The following TTBK2 variants were observed in gnomAD, a reference collection of about 807,000 sequenced individuals.
The protein encoded by TTBK2 is tau tubulin kinase 2.
Under a neutral mutation model 110.8 loss-of-function variants are expected in TTBK2, and 28 were observed. That is an observed-to-expected ratio of 0.25 (90% CI 0.19 to 0.35). The LOEUF (loss-of-function observed/expected upper bound fraction) is 0.35, where lower values mean the gene tolerates loss of function less well. Among genes scored for constraint, TTBK2 ranks in the 10% least tolerant of loss-of-function variants. The probability of loss-of-function intolerance (pLI) is 1.00; values close to 1 mark genes in which losing one functional copy is unlikely to be tolerated. For synonymous variants in TTBK2, 532 were observed against 527.3 expected, an observed-to-expected ratio of 1.01 and a Z score of -0.12; for missense variants, 1,369 against 1,500.3, an observed-to-expected ratio of 0.91 and a Z score of 1.45.
chr15:42,831,199 A>G (rs1324515534), intron 4 of TTBK2, among the ~76,000 whole-genome samples: 4 of 152,046 alleles, frequency 2.6e-5, no homozygotes, highest in African/African-American at 9.7e-5. Flanking sequence ...GAGCTCTGTG[A>G]GGATTAAACA....
chr15:42,779,731 G>A (rs1241082296), intron 11 of TTBK2, among the ~76,000 whole-genome samples: 1 of 152,038 alleles, frequency 6.6e-6, no homozygotes, highest in Non-Finnish European at 1.5e-5. Context: ...TGTAATCCCA[G>A]CACTTTGTGA....
At chr15:42,878,494 C>T (rs1894908681) in intron 2 of TTBK2, 55 bp downstream of exon 2, 2 of 750,318 alleles carry the variant, frequency 2.7e-6, no homozygotes, top group East Asian at 4.3e-5. Context: ...GATATGTATA[C>T]ACACACACAC....
chr15:42,759,662 A>G (rs760069887), intron 13 of TTBK2, among the ~76,000 whole-genome samples: 3 of 152,210 alleles, frequency 2.0e-5, no homozygotes, highest in Non-Finnish European at 2.9e-5. Context: ...CATCACCAGC[A>G]TGGGTTACAG....
chr15:42,791,543 A>G (rs952526724), intron 10 of TTBK2, among the ~76,000 whole-genome samples: 2 of 147,938 alleles, frequency 1.4e-5, no homozygotes, highest in Non-Finnish European at 3.0e-5. Flanking sequence ...ACTTATGTCT[A>G]TTCTCCTTTG....
chr15:42,839,403 T>G (rs1355903063), intron 4 of TTBK2, among the ~76,000 whole-genome samples: 5 of 152,246 alleles, frequency 3.3e-5, no homozygotes, highest in Non-Finnish European at 5.9e-5. Context: ...AGTGCTGCAA[T>G]GAACACATAA....
chr15:42,885,092 T>C (rs1212432092), intron 1 of TTBK2, among the ~76,000 whole-genome samples: 3 of 152,228 alleles, frequency 2.0e-5, no homozygotes, highest in Non-Finnish European at 4.4e-5. Flanking sequence ...GACTCTCTTT[T>C]CGGGCTCAGC....
At chr15:42,771,252 C>T (rs1595893700) in intron 13 of TTBK2, among the ~76,000 whole-genome samples, 2 of 151,980 alleles carry the variant, frequency 1.3e-5, no homozygotes, top group Non-Finnish European at 2.9e-5. Flanking sequence ...GGATTACAGG[C>T]GTGAGCCACC....
At chr15:42,834,543 T>A (rs2140999284) in intron 4 of TTBK2, among the ~76,000 whole-genome samples, 1 of 152,258 alleles carries the variant, frequency 6.6e-6, no homozygotes, top group East Asian at 1.9e-4. Flanking sequence ...TATCAAAGAC[T>A]GCTGCAGCCT....
intron 1 of TTBK2, among the ~76,000 whole-genome samples, chr15:42,898,983 T>C (rs1303676902): frequency 2.0e-5 from 3 of 152,076 alleles, no homozygotes; most frequent in African/African-American, 4.8e-5. Flanking sequence ...TAAAAAGCAA[T>C]TTGTAGAATT....
chr15:42,752,426 A>T lies in TTBK2; in HGVS notation c.2820T>A (p.Thr940=). The change falls in exon 14 of 15, where the codon ACT becomes ACA. Residue 940 remains threonine, a synonymous_variant. Coordinates refer to ENST00000267890, the MANE Select transcript of TTBK2 (RefSeq NM_173500.4). ...CTAAAACAGGGATTCGGCTGTGTCTAGTTACAAAGGATGACCTAACCATAT... is the reference window on the plus strand; with the variant it reads ...CTAAAACAGGGATTCGGCTGTGTCTTGTTACAAAGGATGACCTAACCATAT... The part of the protein sequence containing the change: ...RKDMVRSSFV[T]RHSRIPVLAQ... 1 of 1,614,198 alleles carries T rather than the reference A, an allele frequency of 6.2e-7. No individual in the cohort carries two copies. The highest frequency in any genetic ancestry group is 1.1e-5 in the South Asian group (1 of 91,080).
At chr15:42,784,219 C>T (rs1413229397) in intron 10 of TTBK2, among the ~76,000 whole-genome samples, 2 of 152,130 alleles carry the variant, frequency 1.3e-5, no homozygotes, top group African/African-American at 2.4e-5. Context: ...TTGACAATCA[C>T]TTTAAAAGTA....
chr15:42,822,201 A>T (rs1892334697), intron 6 of TTBK2, among the ~76,000 whole-genome samples: 1 of 152,032 alleles, frequency 6.6e-6, no homozygotes, highest in Non-Finnish European at 1.5e-5. Context: ...TTCTGCAAAT[A>T]TTTTTCCCCA....
At chr15:42,872,010 T>C (rs1894633895) in intron 3 of TTBK2, among the ~76,000 whole-genome samples, 1 of 152,142 alleles carries the variant, frequency 6.6e-6, no homozygotes, top group African/African-American at 2.4e-5. Flanking sequence ...ACTAGCAATA[T>C]ATTCAGGGTT....
intron 9 of TTBK2, among the ~76,000 whole-genome samples, chr15:42,804,644 T>C (rs1891380665): frequency 6.6e-6 from 1 of 152,154 alleles, no homozygotes; most frequent in Non-Finnish European, 1.5e-5. Context: ...AGCATATAGT[T>C]GAAATTATTC....
At chr15:42,881,864 C>A (rs1372648001) in intron 1 of TTBK2, among the ~76,000 whole-genome samples, 3 of 150,872 alleles carry the variant, frequency 2.0e-5, no homozygotes, top group Non-Finnish European at 4.4e-5. Context: ...GAACGAGACT[C>A]TGTCTCAAAA....
At chr15:42,765,417 C>T (rs886962425) in intron 13 of TTBK2, among the ~76,000 whole-genome samples, 1 of 152,128 alleles carries the variant, frequency 6.6e-6, no homozygotes, top group East Asian at 1.9e-4. Context: ...GTAGAGAAGA[C>T]CTTAAATGAC....
chr15:42,752,618 A>T lies in TTBK2; in HGVS notation c.2628T>A (p.Asn876Lys). 1 of 1,613,912 alleles carries T rather than the reference A, an allele frequency of 6.2e-7. No individual in the cohort carries two copies. Among genetic ancestry groups the T allele is most frequent in the Non-Finnish European group, 8.5e-7 (1 of 1,179,990 alleles). The stretch of plus-strand genomic sequence containing the variant: ...TGATGTCATCATCCTTAGATATCTT[A>T]TTTTTTTGCATTTCTGCCACTTGGC... ...QIGQVAEMQK[N>K]KISKDDDIMS... Residue 876 changes from asparagine (N) to lysine (K), a missense_variant, in exon 14 of 15, where the codon AAT becomes AAA. Around this residue, in one of 4 missense-constraint regions of TTBK2, gnomAD observed 1,097 missense variants for 1,114.7 expected, o/e 0.98. Transcript: ENST00000267890.
chr15:42,844,661 G>A (rs1024990602), intron 3 of TTBK2, among the ~76,000 whole-genome samples: 4 of 152,172 alleles, frequency 2.6e-5, no homozygotes, highest in South Asian at 2.1e-4. Flanking sequence ...TGCCAATAAT[G>A]TAAGTATTAT....
rs570332848 is a variant in TTBK2, at chr15:42,853,704, G to A, written c.218-13271C>T. On this transcript the variant is annotated intron_variant, in intron 3 of 14. Transcript: ENST00000267890. The stretch of plus-strand genomic sequence containing the variant: ...GTGATTTTTAAATATAACCAACATC[G>A]TCAGATTGAACATACTATGGAGCGA... 5.9e-5 allele frequency among the ~76,000 whole-genome samples: 9 copies of A among 152,048 alleles called. No individual in the cohort carries two copies. The South Asian group carries it at 8.3e-4, about 14-fold the overall frequency.
Sources: allele counts gnomAD v4.1 joint callset (sites outside exome capture counted in the v4.1 genomes callset), GRCh38; gene constraint gnomAD v4.1.1; regional missense constraint gnomAD v4.1.1; transcripts MANE v1.5; gene names NCBI Gene and HGNC (gene_info 2026-07-23, HGNC 2026-07-21).